Variants in MACROH2A1 observed in about 807,000 individuals in gnomAD.
MACROH2A1 encodes core histone macro-H2A.1.
MACROH2A1 carries 2 observed loss-of-function variants against 31.6 expected under a neutral mutation model. The observed-to-expected ratio is 0.06, with a 90% CI of 0.03 to 0.20. The LOEUF (loss-of-function observed/expected upper bound fraction) is 0.20. Among genes scored for constraint, MACROH2A1 ranks in the 10% least tolerant of loss-of-function variants. The pLI is 1.00. For synonymous variants in MACROH2A1, 169 were observed against 189.6 expected, an observed-to-expected ratio of 0.89 and a Z score of 0.89; for missense variants, 230 against 474.0, an observed-to-expected ratio of 0.49 and a Z score of 4.78.
intron 2 of MACROH2A1, among the ~76,000 whole-genome samples, chr5:135,374,488 G>GC (rs905800062): frequency 2.0e-5 from 3 of 152,292 alleles, no homozygotes; most frequent in East Asian, 1.9e-4. Context: ...ATGCCTGCCT[G>GC]CCCCCCATGC....
intron 5 of MACROH2A1, chr5:135,358,938 T>C: frequency 1.0e-6 from 1 of 985,412 alleles, no homozygotes; most frequent in African/African-American, 1.7e-5. Context: ...ATGTCTGTGG[T>C]GTTTGCCCCC....
chr5:135,387,120 C>T (rs1766522908), intron 2 of MACROH2A1, among the ~76,000 whole-genome samples: 1 of 152,198 alleles, frequency 6.6e-6, no homozygotes, highest in African/African-American at 2.4e-5. Context: ...AAAATGTCTT[C>T]TGTTTCCTAT....
chr5:135,360,288 C>G (rs2149801423), intron 5 of MACROH2A1: 1 of 586,830 alleles, frequency 1.7e-6, no homozygotes, highest in East Asian at 2.9e-5. Flanking sequence ...CACTGTCTCC[C>G]TTCCCCAGCT....
rs572590431 is a variant in MACROH2A1, at chr5:135,392,592, T to G, written c.-33-3466A>C. ...TCAAAACACCCTTTTGAAAACCAAC[T>G]CATAGTTGTGCAGTCTCCAGATAAA... On this transcript the variant is annotated intron_variant, in intron 1 of 8. Transcript: ENST00000511689. Among the ~76,000 whole-genome samples the G allele has an allele frequency of 7.9e-5, 12 of 152,322 alleles. No individual in the cohort carries two copies. The South Asian group carries it at 2.3e-3, about 29-fold the overall frequency.
At chr5:135,378,828 C>T (rs1023473254) in intron 2 of MACROH2A1, among the ~76,000 whole-genome samples, 6 of 152,114 alleles carry the variant, frequency 3.9e-5, no homozygotes, top group African/African-American at 1.4e-4. Context: ...TCCACCTTTA[C>T]CTAGAATTCA....
chr5:135,346,137 A>C (rs1444906177), intron 6 of MACROH2A1, 80 bp from the exon 7 acceptor site: 2 of 835,430 alleles, frequency 2.4e-6, no homozygotes, highest in Non-Finnish European at 4.2e-6. Context: ...AGGTGATTAC[A>C]TACTTCAAAT....
chr5:135,387,635 GATTTGGGTCC>G (rs1183135375), intron 2 of MACROH2A1, among the ~76,000 whole-genome samples: 2 of 152,146 alleles, frequency 1.3e-5, no homozygotes, highest in Non-Finnish European at 2.9e-5. Flanking sequence ...AGGACAGCAG[GATTTGGGTCC>G]CTTCTCAACC....
intron 2 of MACROH2A1, among the ~76,000 whole-genome samples, chr5:135,371,610 A>G (rs1288691889): frequency 1.3e-5 from 2 of 152,188 alleles, no homozygotes; most frequent in African/African-American, 4.8e-5. Flanking sequence ...TCTCCTTGGC[A>G]TTACAGTTCT....
chr5:135,366,672 AACTC>A (rs1763544327), intron 4 of MACROH2A1, among the ~76,000 whole-genome samples: 1 of 152,124 alleles, frequency 6.6e-6, no homozygotes, highest in Non-Finnish European at 1.5e-5. Flanking sequence ...GAGACATAAA[AACTC>A]ACTGAGTGTG....
In MACROH2A1 at chr5:135,346,004, G is replaced by C. The variant is rs1760778564; in HGVS notation, c.742C>G (p.Leu248Val). ...GKEFVEAVLE[L>V]RKKNGPLEVA... ...TCCAAGGGCCCGTTCTTTTTCCGGA[G>C]TTCCAGGACAGCTTCCACAAACTCC... The change falls in exon 7 of 9, where the codon CTC (leucine) becomes GTC (valine). Residue 248 changes from leucine to valine, a missense_variant. By Grantham distance (32) the Leu-to-Val change is conservative (BLOSUM62 1). This residue lies in a region of MACROH2A1 where 183 missense variants were observed against 319.3 expected (regional missense o/e 0.57). Coordinates refer to ENST00000511689, the MANE Select transcript of MACROH2A1 (RefSeq NM_138610.3). 6.2e-7 allele frequency: 1 copy of C among 1,613,948 alleles called. No homozygotes were observed. Among genetic ancestry groups the C allele is most frequent in the Non-Finnish European group, 8.5e-7 (1 of 1,179,816 alleles).
chr5:135,336,160 G>A (rs1019869850), intron 8 of MACROH2A1, among the ~76,000 whole-genome samples: 1 of 152,208 alleles, frequency 6.6e-6, no homozygotes, highest in African/African-American at 2.4e-5. Context: ...GGCACCTGCT[G>A]CCAGGTGGAG....
At position 135,360,488 on chromosome 5, in the gene MACROH2A1, T is replaced by A. The variant is rs1762701771; in HGVS notation, c.588+9A>T. 1.3e-6 allele frequency: 2 copies of A among 1,570,266 alleles called. No individual in the cohort carries two copies. Among genetic ancestry groups the A allele is most frequent in the African/African-American group, 2.7e-5 (2 of 74,044 alleles). Reference sequence around the variant, plus strand: ...CCCTCGAGTAGACTGAGGCCGCGCATCTGCCTACCTTCTGGCCAAGGAAGA... The same window carrying A: ...CCCTCGAGTAGACTGAGGCCGCGCAACTGCCTACCTTCTGGCCAAGGAAGA... On this transcript the variant is annotated intron_variant, in intron 5 of 8. Coordinates refer to ENST00000511689, the MANE Select transcript of MACROH2A1 (RefSeq NM_138610.3).
At chr5:135,363,498 T>C (rs1418211181) in intron 4 of MACROH2A1, among the ~76,000 whole-genome samples, 1 of 152,242 alleles carries the variant, frequency 6.6e-6, no homozygotes, top group African/African-American at 2.4e-5. Flanking sequence ...CCTAATGTTT[T>C]GGTATTAAAA....
intron 1 of MACROH2A1, among the ~76,000 whole-genome samples, chr5:135,395,760 T>C (rs1767885013): frequency 6.6e-6 from 1 of 152,184 alleles, no homozygotes; most frequent in Non-Finnish European, 1.5e-5. Flanking sequence ...CCTGTTCTAG[T>C]ATTCTAGCCA....
At chr5:135,366,863 G>T (rs1763567740) in intron 4 of MACROH2A1, among the ~76,000 whole-genome samples, 1 of 152,176 alleles carries the variant, frequency 6.6e-6, no homozygotes, top group Non-Finnish European at 1.5e-5. Flanking sequence ...GTAAATTGAG[G>T]CATAGAGAGG....
At chr5:135,341,345 AG>A (rs550741359) in intron 8 of MACROH2A1, among the ~76,000 whole-genome samples, 1 of 152,128 alleles carries the variant, frequency 6.6e-6, no homozygotes, top group Admixed American at 6.5e-5. Flanking sequence ...AGGCCAGGGA[AG>A]GGGGAGGCAA....
At chr5:135,376,851 G>C (rs924362468) in intron 2 of MACROH2A1, among the ~76,000 whole-genome samples, 1 of 152,158 alleles carries the variant, frequency 6.6e-6, no homozygotes, top group Non-Finnish European at 1.5e-5. Context: ...CGACAAGCTT[G>C]ATTACCAGGA....
chr5:135,374,615 G>A (rs144392911), intron 2 of MACROH2A1, among the ~76,000 whole-genome samples: 20 of 152,352 alleles, frequency 1.3e-4, no homozygotes, highest in African/African-American at 4.3e-4. Flanking sequence ...CTACAAGGGG[G>A]AGGGTGGGTT....
At chr5:135,371,214 C>T (rs10428664) in intron 2 of MACROH2A1, among the ~76,000 whole-genome samples, 4,724 of 151,940 alleles carry the variant, frequency 0.031, 266 homozygotes, top group African/African-American at 0.11. Flanking sequence ...GGGGTGGGGT[C>T]GGGGCGAATG....
Sources: gnomAD v4.1 joint callset for allele counts (sites outside exome capture counted in the v4.1 genomes callset) on GRCh38, gnomAD v4.1.1 for gene constraint, gnomAD v4.1.1 regional missense constraint, MANE v1.5 for transcripts, NCBI Gene and HGNC (gene_info 2026-07-23, HGNC 2026-07-21) for gene names.